Variants in SIDT2 observed in about 807,000 individuals in gnomAD.
SIDT2 encodes the protein SID1 transmembrane family member 2.
Under a neutral mutation model 114.4 loss-of-function variants are expected in SIDT2, and 68 were observed. That is an observed-to-expected ratio of 0.59 (90% CI 0.49 to 0.73). SIDT2 has a LOEUF of 0.73. Ranked by LOEUF, SIDT2 falls within the 30% of genes least tolerant of loss-of-function variation. The pLI is 0.00. For missense variants in SIDT2, 918 were observed against 1,097.1 expected, an observed-to-expected ratio of 0.84 and a Z score of 2.31; for synonymous variants, 470 against 438.4, an observed-to-expected ratio of 1.07 and a Z score of -0.90.
chr11:117,187,746 G>C, intron 12 of SIDT2, 47 bp downstream of exon 12: 1 of 1,589,938 alleles, frequency 6.3e-7, no homozygotes, highest in Non-Finnish European at 8.6e-7. Context: ...GGACGGTGTT[G>C]TCTGGGTAAA....
rs761920804 is a variant in SIDT2, at chr11:117,196,083, C to T, written c.*17C>T. The T allele has an allele frequency of 1.6e-5, 26 of 1,613,960 alleles. No homozygotes were observed. Among genetic ancestry groups the T allele is most frequent in the Middle Eastern group, 1.6e-4 (1 of 6,084 alleles). ...GTCTTCTAGCAGGAGCTGGGCCCTT[C>T]GCTTCACCTCAAGGGGCCCTGAGCT... On this transcript the variant is annotated 3_prime_UTR_variant, in exon 26 of 26. Coordinates refer to ENST00000324225, the MANE Select transcript of SIDT2 (RefSeq NM_001040455.2). This position sits in a 1 kb window ranked among gnomAD's most constrained non-coding sequence, Gnocchi z 4.9.
intron 10 of SIDT2, chr11:117,186,868 G>A: frequency 8.4e-7 from 1 of 1,194,418 alleles, no homozygotes; most frequent in Non-Finnish European, 1.2e-6. Context: ...TCTAGCGATG[G>A]TGTCTGCCTG....
intron 7 of SIDT2, 47 bp downstream of exon 7, chr11:117,183,925 C>T: frequency 1.3e-6 from 2 of 1,546,778 alleles, no homozygotes; most frequent in Non-Finnish European, 1.8e-6. Context: ...AGGTCTTGGT[C>T]ACTTTCTGGG....
chr11:117,182,943 T>A (rs2030352075), intron 6 of SIDT2, 137 bp downstream of exon 6: 1 of 911,922 alleles, frequency 1.1e-6, no homozygotes, highest in Non-Finnish European at 1.6e-6. Context: ...CCCTGTGACT[T>A]TGAGTCCCCT....
rs764501529 is a variant in SIDT2 at position 117,190,179 on chromosome 11, A to G, written c.1507A>G (p.Ile503Val). 43 of 1,578,238 alleles carry G rather than the reference A, an allele frequency of 2.7e-5. 1 individual carries two copies. The South Asian group carries it at 5.0e-4, about 18-fold the overall frequency. ...TGCCCCTTCTAGCGCCTTCAACAAC[A>G]TCCTCAGCAACCTGGGGTACATCCT... ...PLGNLSAFNNILSNLGYILLG... is the reference protein window; with the variant it reads ...PLGNLSAFNNVLSNLGYILLG... Residue 503 changes from isoleucine (I) to valine (V), a missense_variant, in exon 17 of 26, where the codon ATC becomes GTC. Transcript: ENST00000324225. The surrounding 1 kb of genome is among the most constrained non-coding windows in gnomAD (Gnocchi z 4.1).
intron 1 of SIDT2, chr11:117,179,706 G>A (rs1011302530): frequency 4.3e-6 from 2 of 462,674 alleles, no homozygotes; most frequent in Non-Finnish European, 7.7e-6. Context: ...ATCAGTTGTG[G>A]TCTGAGCACA....
chr11:117,190,250 C>A lies in SIDT2; in HGVS notation c.1578C>A (p.Asn526Lys). ...FLLIILQREI[N>K]HNRALLRNDL... Reference sequence around the variant, plus strand: ...TCATCATCCTGCAACGGGAGATCAACCACAACCGGGCCCTGCTGCGCAATG... The same window carrying A: ...TCATCATCCTGCAACGGGAGATCAAACACAACCGGGCCCTGCTGCGCAATG... Residue 526 changes from asparagine (N) to lysine (K), a missense_variant, in exon 17 of 26, where the codon AAC becomes AAA. Transcript: ENST00000324225. The surrounding 1 kb of genome is among the most constrained non-coding windows in gnomAD (Gnocchi z 4.1). 6.4e-7 allele frequency: 1 copy of A among 1,570,846 alleles called. No homozygotes were observed. The highest frequency in any genetic ancestry group is 1.2e-5 in the South Asian group (1 of 83,380).
chr11:117,189,889 G>A, intron 15 of SIDT2, 63 bp from the exon 16 acceptor site: 1 of 1,550,278 alleles, frequency 6.5e-7, no homozygotes. Context: ...GGCCCGGATG[G>A]CGGGGCGTGG....
chr11:117,196,166 TG>T lies in SIDT2; in HGVS notation c.*101del. ...CTGTGGGGATGAGTCCCAGCACCGCTGCCCAGCACTGGATGGCAGCAGGACA... is the reference window on the plus strand; with the variant it reads ...CTGTGGGGATGAGTCCCAGCACCGCTCCCAGCACTGGATGGCAGCAGGACA... On this transcript the variant is annotated 3_prime_UTR_variant, in exon 26 of 26. Coordinates refer to ENST00000324225, the MANE Select transcript of SIDT2 (RefSeq NM_001040455.2). This position sits in a 1 kb window ranked among gnomAD's most constrained non-coding sequence, Gnocchi z 4.9. 2 of 1,490,838 alleles carry T rather than the reference TG, an allele frequency of 1.3e-6. No homozygotes were observed. Among genetic ancestry groups the T allele is most frequent in the Non-Finnish European group, 1.8e-6 (2 of 1,086,228 alleles). 92.4% of individuals were successfully genotyped at this position (1,490,838 alleles called of 1,614,324 possible).
Position 117,192,038 on chromosome 11 carries a change from C to T in SIDT2, c.1872+24C>T, listed in dbSNP as rs780656244. The T allele has an allele frequency of 2.5e-6, 4 of 1,613,592 alleles. No homozygotes were observed. The highest frequency in any genetic ancestry group is 1.7e-5 in the Admixed American group (1 of 59,964). ...TGGTGAGGGCCTGACCTGCTCTGCT[C>T]AGCCTGTATGATAGGAAAGGTGCAC... On this transcript the variant is annotated intron_variant, in intron 19 of 25. Coordinates refer to ENST00000324225, the MANE Select transcript of SIDT2 (RefSeq NM_001040455.2). This position sits in a 1 kb window ranked among gnomAD's most constrained non-coding sequence, Gnocchi z 5.9.
intron 24 of SIDT2, among the ~76,000 whole-genome samples, chr11:117,195,261 T>C (rs1033591151): frequency 6.6e-6 from 1 of 152,096 alleles, no homozygotes; most frequent in African/African-American, 2.4e-5. Flanking sequence ...GTCTTGGTTA[T>C]GTCTGTGGCC....
rs576563985 is a variant in SIDT2, at chr11:117,181,176, C to T, written c.184-240C>T. 1.1e-4 allele frequency among the ~76,000 whole-genome samples: 17 copies of T among 152,214 alleles called. No homozygotes were observed. The Middle Eastern group carries it at 0.01, about 91-fold the overall frequency. The stretch of plus-strand genomic sequence containing the variant: ...TTTCCTGGCAGAGGGTGAGACCCTG[C>T]GGTTGCTTGGGTCCTGCTGCCCTGC... On this transcript the variant is annotated intron_variant, in intron 1 of 25. Coordinates refer to ENST00000324225, the MANE Select transcript of SIDT2 (RefSeq NM_001040455.2).
intron 12 of SIDT2, chr11:117,187,910 G>A (rs1382432072): frequency 1.3e-5 from 9 of 694,114 alleles, no homozygotes; most frequent in East Asian, 8.2e-5. Context: ...CAGTTCAAGC[G>A]GCGCCTCCCC....
chr11:117,186,349 C>A, intron 9 of SIDT2, 126 bp downstream of exon 9: 1 of 870,960 alleles, frequency 1.1e-6, no homozygotes, highest in Non-Finnish European at 1.8e-6. Context: ...GATGGTGGGG[C>A]TGTTAGAGTC....
At chr11:117,187,927 C>G (rs1357568996) in intron 12 of SIDT2, 1 of 683,818 alleles carries the variant, frequency 1.5e-6, no homozygotes, top group South Asian at 1.5e-5. Flanking sequence ...CCCCTCTGGC[C>G]AGATGCGGCA....
At position 117,190,435 on chromosome 11, in the gene SIDT2, C is replaced by T; in HGVS notation, c.1617+146C>T. 1.5e-6 allele frequency: 2 copies of T among 1,370,806 alleles called. No individual in the cohort carries two copies. The highest frequency in any genetic ancestry group is 1.9e-6 in the Non-Finnish European group (2 of 1,031,002). 84.9% of individuals were successfully genotyped at this position (1,370,806 alleles called of 1,614,324 possible). On this transcript the variant is annotated intron_variant, in intron 17 of 25. Transcript: ENST00000324225. This position sits in a 1 kb window ranked among gnomAD's most constrained non-coding sequence, Gnocchi z 4.1. Reference sequence around the variant, plus strand: ...TCTGTCTGGCCCACCCTATCCAGCCCAGCCTGCCCCACCCTGCCCTGCCCT... The same window carrying T: ...TCTGTCTGGCCCACCCTATCCAGCCTAGCCTGCCCCACCCTGCCCTGCCCT...
At position 117,192,500 on chromosome 11, in the gene SIDT2, CAGCT is replaced by C; in HGVS notation, c.1982-73_1982-70del. 1 of 1,560,984 alleles carries C rather than the reference CAGCT, an allele frequency of 6.4e-7. No homozygotes were observed. Among genetic ancestry groups the C allele is most frequent in the Admixed American group, 1.7e-5 (1 of 59,906 alleles). On this transcript the variant is annotated intron_variant, in intron 20 of 25. Transcript: ENST00000324225. This position sits in a 1 kb window ranked among gnomAD's most constrained non-coding sequence, Gnocchi z 5.9. ...GGAATTAGATCAGGCCTGGGCTCCTCAGCTGGCACATCCCAGGGGTCCAGCAAAG... is the reference window on the plus strand; with the variant it reads ...GGAATTAGATCAGGCCTGGGCTCCTCGGCACATCCCAGGGGTCCAGCAAAG...
At chr11:117,181,016 G>T (rs1391459277) in intron 1 of SIDT2, among the ~76,000 whole-genome samples, 1 of 152,176 alleles carries the variant, frequency 6.6e-6, no homozygotes, top group African/African-American at 2.4e-5. Flanking sequence ...TCACAGGAAG[G>T]TTGAGGAGCA....
rs1414770495 is a variant in SIDT2, at chr11:117,178,746, G to A, written c.-518G>A. On this transcript the variant is annotated 5_prime_UTR_variant, in exon 1 of 26. Coordinates refer to ENST00000324225, the MANE Select transcript of SIDT2 (RefSeq NM_001040455.2). ...CCAGCGGCGCAGCTCACTTTTCAGT[G>A]TTCGTGCGTCGGGACGGCGCGTCCG... 1.3e-5 allele frequency: 2 copies of A among 156,900 alleles called. No individual in the cohort carries two copies. The highest frequency in any genetic ancestry group is 4.8e-5 in the African/African-American group (2 of 41,492). The allele number at this position is 156,900 out of a possible 1,614,324, so 9.7% of individuals were successfully genotyped here. A position where few individuals can be genotyped will look rare whatever the true frequency, so the allele number is the denominator to read the frequency against.
Sources: gnomAD v4.1 joint callset for allele counts (sites outside exome capture counted in the v4.1 genomes callset) on GRCh38, gnomAD v4.1.1 for gene constraint, Gnocchi (gnomAD v3.1) non-coding constraint, MANE v1.5 for transcripts, NCBI Gene and HGNC (gene_info 2026-07-23, HGNC 2026-07-21) for gene names.